The following RDH11 variants were observed in gnomAD, a reference collection of about 807,000 sequenced individuals.
RDH11 encodes HCV core-binding protein HCBP12.
Under a neutral mutation model 33.4 loss-of-function variants are expected in RDH11, and 19 were observed. The observed-to-expected ratio is 0.57, with a 90% CI of 0.40 to 0.83. The LOEUF (loss-of-function observed/expected upper bound fraction) is 0.83, where lower values mean the gene tolerates loss of function less well. RDH11 is among the 40% of genes least tolerant of loss of function. The pLI is 0.00. For missense variants in RDH11, 353 were observed against 389.0 expected (o/e 0.91, Z 0.78); for synonymous variants, 154 against 155.3 (o/e 0.99, Z 0.06).
At chr14:67,694,489 C>CACATATATAT (rs1555387472) in intron 1 of RDH11, among the ~76,000 whole-genome samples, 1 of 144,230 alleles carries the variant, frequency 6.9e-6, no homozygotes, top group Non-Finnish European at 1.5e-5. Flanking sequence ...CACACACACA[C>CACATATATAT]ATATATATAT....
rs775969760 is a variant in RDH11, at chr14:67,693,021, T to G, written c.106A>C (p.Thr36Pro). 2 of 1,614,066 alleles carry G rather than the reference T, an allele frequency of 1.2e-6. No homozygotes were observed. Among genetic ancestry groups the G allele is most frequent in the East Asian group, 2.2e-5 (1 of 44,880 alleles). ...KMLSSGVCTS[T>P]VQLPGKVVVV... ...ACTACTTTCCCAGGAAGCTGAACAGTTGATGTACACACCCCACTGGACAGC... is the reference window on the plus strand; with the variant it reads ...ACTACTTTCCCAGGAAGCTGAACAGGTGATGTACACACCCCACTGGACAGC... Residue 36 changes from threonine (T) to proline (P), a missense_variant, in exon 2 of 7, where the codon ACT (threonine) becomes CCT (proline). Transcript: ENST00000381346.
intron 1 of RDH11, 72 bp downstream of exon 1, chr14:67,695,558 G>C (rs542915159): frequency 6.8e-7 from 1 of 1,465,456 alleles, no homozygotes; most frequent in Non-Finnish European, 9.4e-7. Flanking sequence ...AGAAAGCTTT[G>C]GTGGGGATTC....
intron 5 of RDH11, among the ~76,000 whole-genome samples, chr14:67,689,861 T>A (rs562239025): frequency 2.0e-5 from 3 of 152,016 alleles, no homozygotes; most frequent in Non-Finnish European, 4.4e-5. Context: ...GGAGAATCAC[T>A]TGAACCTGGG....
At chr14:67,692,225 T>C (rs1466269980) in intron 3 of RDH11, 2 of 538,696 alleles carry the variant, frequency 3.7e-6, no homozygotes, top group Non-Finnish European at 6.5e-6. Context: ...TCTTACTCAC[T>C]GCTATGACGT....
chr14:67,677,495 ACTAGTTAATCCTTAAAGGG>A lies in RDH11; in HGVS notation c.*807_*825del, dbSNP rs967110293. The A allele has an allele frequency of 3.4e-5, 5 of 147,066 alleles. No homozygotes were observed. Among genetic ancestry groups the A allele is most frequent in the African/African-American group, 5.0e-5 (2 of 39,914 alleles). The allele number at this position is 147,066 out of a possible 1,614,324, so 9.1% of individuals were successfully genotyped here. A position where few individuals can be genotyped will look rare whatever the true frequency, so the allele number is the denominator to read the frequency against. On this transcript the variant is annotated 3_prime_UTR_variant, in exon 7 of 7. Transcript: ENST00000381346. ...TAATATCTTTTGCTATTAATCCTTA[ACTAGTTAATCCTTAAAGGG>A]CTAGTTAATCCTTAACTAGTCCCTT...
At chr14:67,692,649 T>C in intron 2 of RDH11, 56 bp from the exon 3 acceptor site, 1 of 1,508,160 alleles carries the variant, frequency 6.6e-7, no homozygotes. Flanking sequence ...GCTGGCATTA[T>C]AAATCTAATG....
At chr14:67,678,474 C>T (rs768263596) in intron 6 of RDH11, 51 bp from the exon 7 acceptor site, 3 of 1,247,150 alleles carry the variant, frequency 2.4e-6, no homozygotes, top group Non-Finnish European at 3.5e-6. Context: ...ATGAAGTCTG[C>T]CATCTGCCAG....
chr14:67,694,880 G>A (rs907637445), intron 1 of RDH11, among the ~76,000 whole-genome samples: 2 of 152,140 alleles, frequency 1.3e-5, no homozygotes, highest in East Asian at 3.8e-4. Context: ...TCACTGGTCC[G>A]TCACCACTGG....
At chr14:67,693,481 T>C (rs1276134729) in intron 1 of RDH11, among the ~76,000 whole-genome samples, 3 of 151,238 alleles carry the variant, frequency 2.0e-5, no homozygotes, top group Non-Finnish European at 4.4e-5. Flanking sequence ...AAAGTTAAAA[T>C]TATGAAAGCT....
chr14:67,690,280 C>T lies in RDH11; in HGVS notation c.596G>A (p.Gly199Asp). The stretch of plus-strand genomic sequence containing the variant: ...TAGCTTGCTGTGACAGTAGGCCAGG[C>T]CTGCATTGTAGAATTTCTCGCCCTG... Reference protein sequence around the residue: ...NLQGEKFYNAGLAYCHSKLAN... With the variant: ...NLQGEKFYNADLAYCHSKLAN... The change falls in exon 5 of 7, where the codon GGC (glycine) becomes GAC (aspartate). Residue 199 changes from glycine (G) to aspartate (D), a missense_variant. Transcript: ENST00000381346. 2 of 1,614,144 alleles carry T rather than the reference C, an allele frequency of 1.2e-6. No individual in the cohort carries two copies. The highest frequency in any genetic ancestry group is 1.7e-6 in the Non-Finnish European group (2 of 1,180,024).
Position 67,678,177 on chromosome 14 carries a change from T to G in RDH11, c.*144A>C, listed in dbSNP as rs1356454363. 1.2e-5 allele frequency: 7 copies of G among 602,084 alleles called. No homozygotes were observed. The highest frequency in any genetic ancestry group is 2.1e-5 in the Non-Finnish European group (7 of 333,754). 37.3% of individuals were successfully genotyped at this position (602,084 alleles called of 1,614,324 possible). ...GACGAATCTGGCAGTACACTGAGTTTTAACTGGACACCAAGCAGGCAAGGC... is the reference window on the plus strand; with the variant it reads ...GACGAATCTGGCAGTACACTGAGTTGTAACTGGACACCAAGCAGGCAAGGC... On this transcript the variant is annotated 3_prime_UTR_variant, in exon 7 of 7. Transcript: ENST00000381346.
At chr14:67,679,616 C>T in intron 6 of RDH11, among the ~76,000 whole-genome samples, 1 of 152,122 alleles carries the variant, frequency 6.6e-6, no homozygotes, top group East Asian at 1.9e-4. Context: ...GTTGGCCAGG[C>T]TGGTCTCGAA....
intron 5 of RDH11, chr14:67,686,278 ATACT>A (rs1397212169): frequency 9.2e-5 from 14 of 152,348 alleles, no homozygotes; most frequent in African/African-American, 3.1e-4. Context: ...AATAATCATA[ATACT>A]TACAACCTCA....
rs1048478418 is a variant in RDH11 at position 67,691,121 on chromosome 14, A to G, written c.454+19T>C. ...AATTTTGGGTCTCTCTAGCTTTGTGATAAGGCCAGATTTCTTACCCAAGTG... is the reference window on the plus strand; with the variant it reads ...AATTTTGGGTCTCTCTAGCTTTGTGGTAAGGCCAGATTTCTTACCCAAGTG... On this transcript the variant is annotated intron_variant, in intron 4 of 6. Coordinates refer to ENST00000381346, the MANE Select transcript of RDH11 (RefSeq NM_016026.4). 1.3e-6 allele frequency: 2 copies of G among 1,570,768 alleles called. No individual in the cohort carries two copies. The highest frequency in any genetic ancestry group is 2.7e-5 in the African/African-American group (2 of 73,998).
At chr14:67,689,489 C>A (rs2037722042) in intron 5 of RDH11, among the ~76,000 whole-genome samples, 2 of 152,104 alleles carry the variant, frequency 1.3e-5, no homozygotes, top group African/African-American at 4.8e-5. Flanking sequence ...ATTCCCAGTA[C>A]CTGTTTTAGT....
At position 67,692,598 on chromosome 14, in the gene RDH11, C is replaced by T. The variant is rs753866446; in HGVS notation, c.194-5G>A. The T allele has an allele frequency of 2.6e-5, 40 of 1,555,362 alleles. No homozygotes were observed. Among genetic ancestry groups the T allele is most frequent in the Non-Finnish European group, 3.2e-5 (37 of 1,155,082 alleles). Reference sequence around the variant, plus strand: ...AAGCTAAATATACTCGAGCTCCTGTCAGCCAACATATGAAAGAGAAATGGT... The same window carrying T: ...AAGCTAAATATACTCGAGCTCCTGTTAGCCAACATATGAAAGAGAAATGGT... On this transcript the variant is annotated splice_polypyrimidine_tract_variant and splice_region_variant and intron_variant, in intron 2 of 6. Coordinates refer to ENST00000381346, the MANE Select transcript of RDH11 (RefSeq NM_016026.4).
chr14:67,690,305 G>A lies in RDH11; in HGVS notation c.571C>T (p.Gln191Ter). ...HLGRIHFHNLQGEKFYNAGLA... is the reference protein window; with the variant it reads ...HLGRIHFHNL ...CCTGCATTGTAGAATTTCTCGCCCT[G>A]CAGGTTATGGAAGTGGATCCTTCCC... Residue 191 changes from glutamine (Q) to a stop codon, truncating the protein, a stop_gained, in exon 5 of 7, where the codon CAG (glutamine) becomes TAG (stop). Coordinates refer to ENST00000381346, the MANE Select transcript of RDH11 (RefSeq NM_016026.4). LOFTEE classifies it high-confidence loss of function. The A allele has an allele frequency of 6.2e-7, 1 of 1,614,170 alleles. No individual in the cohort carries two copies.
chr14:67,693,096 T>G, intron 1 of RDH11, 44 bp from the exon 2 acceptor site: 2 of 1,374,052 alleles, frequency 1.5e-6, no homozygotes, highest in Non-Finnish European at 2.1e-6. Context: ...CATTCTACTG[T>G]CTCAGCCAGT....
Position 67,678,403 on chromosome 14 carries a change from A to G in RDH11, c.875T>C (p.Val292Ala). ...NHFSDCHVAW[V>A]SAQARNETIA... ...AGTCTCATTACGAGCTTGGGCAGAG[A>G]CCCATGCCACATGACAGTCACTGGA... is the stretch of plus-strand genomic sequence containing the variant. Residue 292 changes from valine (V) to alanine (A), a missense_variant, in exon 7 of 7, where the codon GTC (valine) becomes GCC (alanine). Coordinates refer to ENST00000381346, the MANE Select transcript of RDH11 (RefSeq NM_016026.4). 1.2e-6 allele frequency: 2 copies of G among 1,613,606 alleles called. No homozygotes were observed. The highest frequency in any genetic ancestry group is 1.7e-6 in the Non-Finnish European group (2 of 1,179,590).
Sources: gnomAD v4.1 joint callset for allele counts (sites outside exome capture counted in the v4.1 genomes callset) on GRCh38, gnomAD v4.1.1 for gene constraint, MANE v1.5 for transcripts, NCBI Gene and HGNC (gene_info 2026-07-23, HGNC 2026-07-21) for gene names.